FGF14: variants seen among roughly 807,000 people sequenced by gnomAD.
FGF14 encodes fibroblast growth factor 14.
Under a neutral mutation model 25.5 loss-of-function variants are expected in FGF14, and 5 were observed. That is an observed-to-expected ratio of 0.20 (90% CI 0.10 to 0.41). The LOEUF (loss-of-function observed/expected upper bound fraction) is 0.41, where lower values mean the gene tolerates loss of function less well. Ranked by LOEUF, FGF14 falls within the 10% of genes least tolerant of loss-of-function variation. The pLI is 1.00. For missense variants in FGF14, 222 were observed against 320.1 expected (o/e 0.69, Z 2.34); for synonymous variants, 138 against 118.3 (o/e 1.17, Z -1.08).
chr13:101,807,689 A>C (rs2140165171), intron 3 of FGF14, among the ~76,000 whole-genome samples: 2 of 152,176 alleles, frequency 1.3e-5, no homozygotes, highest in South Asian at 4.1e-4. Context: ...TATAACAGGA[A>C]AGGTATACTT....
intron 1 of FGF14, among the ~76,000 whole-genome samples, chr13:102,161,562 CTG>C (rs2047628182): frequency 2.3e-4 from 1 of 4,358 alleles, no homozygotes; most frequent in South Asian, 0.016. Context: ...AACCAACTTT[CTG>C]TGAAGAAAGA....
At chr13:101,962,047 CT>C (rs34924382) in intron 1 of FGF14, among the ~76,000 whole-genome samples, 6 of 151,622 alleles carry the variant, frequency 4.0e-5, no homozygotes, top group East Asian at 1.9e-4. Flanking sequence ...TTTATACAGG[CT>C]TTTTTTTGGC....
chr13:101,844,043 G>T (rs1594452282), intron 3 of FGF14, among the ~76,000 whole-genome samples: 1 of 151,966 alleles, frequency 6.6e-6, no homozygotes, highest in African/African-American at 2.4e-5. Flanking sequence ...AATGAAATGT[G>T]TTAAAGGACA....
intron 1 of FGF14, among the ~76,000 whole-genome samples, chr13:101,905,852 T>G (rs376806612): frequency 6.6e-6 from 1 of 152,120 alleles, no homozygotes; most frequent in African/African-American, 2.4e-5. Context: ...CTGTACCCCA[T>G]ATTTGTCAGA....
At chr13:101,862,707 G>A (rs1437012154) in intron 3 of FGF14, among the ~76,000 whole-genome samples, 1 of 152,032 alleles carries the variant, frequency 6.6e-6, no homozygotes, top group African/African-American at 2.4e-5. Flanking sequence ...GTTGAAATTA[G>A]CATTAGGGGG....
chr13:101,753,798 C>T (rs562581097), intron 3 of FGF14, among the ~76,000 whole-genome samples: 3 of 145,684 alleles, frequency 2.1e-5, no homozygotes, highest in Non-Finnish European at 1.5e-5. Flanking sequence ...AGCAAAACTC[C>T]GTCTCAAAAA....
At chr13:101,768,097 A>C (rs1272638346) in intron 3 of FGF14, among the ~76,000 whole-genome samples, 1 of 152,136 alleles carries the variant, frequency 6.6e-6, no homozygotes, top group Non-Finnish European at 1.5e-5. Flanking sequence ...TAGTGTCAAC[A>C]GGGAAATCTC....
chr13:102,368,704 A>G (rs1566966904), intron 1 of FGF14, among the ~76,000 whole-genome samples: 1 of 152,142 alleles, frequency 6.6e-6, no homozygotes, highest in Non-Finnish European at 1.5e-5. Flanking sequence ...TTTCAGAATT[A>G]CTCTAAATTA....
chr13:101,990,161 G>C (rs963535104), intron 1 of FGF14, among the ~76,000 whole-genome samples: 2 of 152,068 alleles, frequency 1.3e-5, no homozygotes, highest in African/African-American at 4.8e-5. Context: ...GTCTCACTTT[G>C]AGTAGAGCTA....
At chr13:102,068,796 G>A (rs1018852041) in intron 1 of FGF14, among the ~76,000 whole-genome samples, 9 of 152,152 alleles carry the variant, frequency 5.9e-5, no homozygotes, top group Admixed American at 5.2e-4. Context: ...CCTCCCCGAC[G>A]AGCACCACCC....
At chr13:101,942,678 C>T (rs535651545) in intron 1 of FGF14, among the ~76,000 whole-genome samples, 1 of 152,324 alleles carries the variant, frequency 6.6e-6, no homozygotes, top group Admixed American at 6.5e-5. Context: ...TATCATTTTA[C>T]TCTGATCTTA....
At position 102,201,102 on chromosome 13, in the gene FGF14, C is replaced by CAAAA. The variant is rs60149871; in HGVS notation, c.208+200365_208+200368dup. On this transcript the variant is annotated intron_variant, in intron 1 of 4. Coordinates refer to the FGF14 transcript ENST00000376131. Reference sequence around the variant, plus strand: ...GGCGACAGAGCGAGACTCCGTCTCTCAAAAAAAAAAAAAAAAAAAAAAAAA... The same window carrying CAAAA: ...GGCGACAGAGCGAGACTCCGTCTCTCAAAAAAAAAAAAAAAAAAAAAAAAAAAAA... Among the ~76,000 whole-genome samples, 32 of 62,718 alleles carry CAAAA rather than the reference C, an allele frequency of 5.1e-4. 1 individual carries two copies. The highest frequency in any genetic ancestry group is 1.0e-3 in the African/African-American group (16 of 15,272). The allele number at this position is 62,718 out of a possible 152,430, so 41.1% of individuals were successfully genotyped here. A position where few individuals can be genotyped will look rare whatever the true frequency, so the allele number is the denominator to read the frequency against.
chr13:101,740,662 G>A (rs1298166564), intron 3 of FGF14, among the ~76,000 whole-genome samples: 1 of 150,728 alleles, frequency 6.6e-6, no homozygotes, highest in Admixed American at 6.6e-5. Context: ...TTGTATTCTT[G>A]GGCAAAAAAA....
chr13:101,738,205 T>C (rs1025957065), intron 3 of FGF14, among the ~76,000 whole-genome samples: 2 of 152,192 alleles, frequency 1.3e-5, no homozygotes, highest in African/African-American at 4.8e-5. Flanking sequence ...GAAGCATTTA[T>C]TTCTACCAAT....
intron 1 of FGF14, among the ~76,000 whole-genome samples, chr13:102,252,079 G>C (rs1377786857): frequency 6.6e-6 from 1 of 152,090 alleles, no homozygotes; most frequent in Non-Finnish European, 1.5e-5. Context: ...AATCTATCTG[G>C]ACCATGTTAG....
chr13:101,743,302 C>G (rs2036670086), intron 3 of FGF14, among the ~76,000 whole-genome samples: 1 of 152,278 alleles, frequency 6.6e-6, no homozygotes, highest in South Asian at 2.1e-4. Flanking sequence ...TACTGTCTGG[C>G]AGAATTCATA....
At chr13:101,976,863 A>G (rs578178246) in intron 1 of FGF14, among the ~76,000 whole-genome samples, 156 of 152,344 alleles carry the variant, frequency 1.0e-3, no homozygotes, top group Non-Finnish European at 1.5e-3. Context: ...CAGATATCGC[A>G]TACTGCTGTG....
intron 1 of FGF14, among the ~76,000 whole-genome samples, chr13:101,898,573 T>C (rs2031076904): frequency 1.3e-5 from 2 of 152,150 alleles, no homozygotes; most frequent in Admixed American, 1.3e-4. Flanking sequence ...GTCATGAGCT[T>C]TATATAAGAA....
At chr13:101,875,062 T>C (rs1279273061) in intron 2 of FGF14, 124 bp downstream of exon 2, 1 of 730,060 alleles carries the variant, frequency 1.4e-6, no homozygotes. Flanking sequence ...GGCATCCTAG[T>C]GTGTAACATT....
Sources: allele counts gnomAD v4.1 joint callset (sites outside exome capture counted in the v4.1 genomes callset), GRCh38; gene constraint gnomAD v4.1.1; transcripts MANE v1.5; gene names NCBI Gene and HGNC (gene_info 2026-07-23, HGNC 2026-07-21).